DNAAF9: variants seen among roughly 807,000 people sequenced by gnomAD.
DNAAF9 encodes the protein shulin.
A neutral mutation model predicts 167.0 loss-of-function variants in DNAAF9; 90 were observed. The ratio of observed to expected loss-of-function variants is 0.54; its 90% CI spans 0.45 to 0.64. The LOEUF is 0.64. Among genes scored for constraint, DNAAF9 ranks in the 30% least tolerant of loss-of-function variants. The pLI is 0.00. For synonymous variants in DNAAF9, 491 were observed against 508.8 expected (o/e 0.96, Z 0.47); for missense variants, 1,315 against 1,442.2 (o/e 0.91, Z 1.43).
At chr20:3,263,801 A>G (rs1007776010) in intron 31 of DNAAF9, among the ~76,000 whole-genome samples, 2 of 152,234 alleles carry the variant, frequency 1.3e-5, no homozygotes, top group Non-Finnish European at 2.9e-5. Flanking sequence ...GAAAGACTGA[A>G]TTATAAATTT....
At chr20:3,288,824 C>T (rs900412093) in intron 26 of DNAAF9, among the ~76,000 whole-genome samples, 2 of 152,188 alleles carry the variant, frequency 1.3e-5, no homozygotes, top group African/African-American at 4.8e-5. Context: ...CATCTGAACT[C>T]AGGCAGTCTC....
intron 3 of DNAAF9, 109 bp from the exon 4 acceptor site, chr20:3,376,411 A>G (rs1481533457): frequency 4.6e-6 from 4 of 874,640 alleles, no homozygotes; most frequent in African/African-American, 1.7e-5. Flanking sequence ...AGACAATGTA[A>G]CAAAACTCTA....
chr20:3,304,593 T>A (rs1883396827), intron 20 of DNAAF9, 50 bp from the exon 21 acceptor site: 1 of 812,014 alleles, frequency 1.2e-6, no homozygotes, highest in South Asian at 1.4e-5. Flanking sequence ...GTGCTGGGGG[T>A]CAGATTCCAA....
At chr20:3,350,310 C>T (rs1286340937) in intron 7 of DNAAF9, among the ~76,000 whole-genome samples, 1 of 151,924 alleles carries the variant, frequency 6.6e-6, no homozygotes, top group Non-Finnish European at 1.5e-5. Context: ...GACACCCCAT[C>T]TCTACCAAAA....
chr20:3,365,691 C>T (rs2092990), intron 6 of DNAAF9, among the ~76,000 whole-genome samples: 30,881 of 152,088 alleles, frequency 0.2, 3,413 homozygotes, highest in African/African-American at 0.27. Flanking sequence ...CGTGCCTGGC[C>T]GTGATAGCAT....
At chr20:3,289,164 C>A (rs1466424546) in intron 26 of DNAAF9, among the ~76,000 whole-genome samples, 2 of 152,260 alleles carry the variant, frequency 1.3e-5, no homozygotes, top group Admixed American at 6.5e-5. Flanking sequence ...CTGGACAACA[C>A]AGCAAAACCC....
chr20:3,294,121 T>A lies in DNAAF9; in HGVS notation c.2238+18A>T. ...CATCTTCCTGTGAATTCCCAGCATA[T>A]CTGGTGAGCTCCTCTACCTTGTCAC... On this transcript the variant is annotated intron_variant, in intron 25 of 36. Coordinates refer to ENST00000252032, the MANE Select transcript of DNAAF9 (RefSeq NM_001009984.3). 1 of 1,314,406 alleles carries A rather than the reference T, an allele frequency of 7.6e-7. No individual in the cohort carries two copies. The allele number at this position is 1,314,406 out of a possible 1,614,324, so 81.4% of individuals were successfully genotyped here.
At chr20:3,339,945 T>C (rs1442685758) in intron 10 of DNAAF9, among the ~76,000 whole-genome samples, 2 of 152,220 alleles carry the variant, frequency 1.3e-5, no homozygotes, top group African/African-American at 4.8e-5. Flanking sequence ...GCTTTCCTGA[T>C]TGCCAGAGAC....
At chr20:3,393,319 C>T (rs2083852612) in intron 1 of DNAAF9, among the ~76,000 whole-genome samples, 1 of 151,960 alleles carries the variant, frequency 6.6e-6, no homozygotes, top group Non-Finnish European at 1.5e-5. Context: ...TCGAGACCAG[C>T]CTGGGCAACA....
At chr20:3,350,162 C>G (rs975228401) in intron 7 of DNAAF9, among the ~76,000 whole-genome samples, 2 of 150,272 alleles carry the variant, frequency 1.3e-5, no homozygotes, top group Non-Finnish European at 1.5e-5. Flanking sequence ...CACAGACACA[C>G]ACACACACAC....
intron 1 of DNAAF9, among the ~76,000 whole-genome samples, chr20:3,405,072 A>C (rs1352053902): frequency 1.6e-4 from 25 of 152,234 alleles, no homozygotes; most frequent in Admixed American, 1.6e-3. Context: ...CAGTATTCCC[A>C]CGCATTTCAC....
rs2068184275 is a variant in DNAAF9, at chr20:3,250,857, A to G, written c.*1715T>C. 1 of 152,248 alleles carries G rather than the reference A, an allele frequency of 6.6e-6. No individual in the cohort carries two copies. Among genetic ancestry groups the G allele is most frequent in the African/African-American group, 2.4e-5 (1 of 41,456 alleles). 9.4% of individuals were successfully genotyped at this position (152,248 alleles called of 1,614,324 possible). A position where few individuals can be genotyped will look rare whatever the true frequency, so the allele number is the denominator to read the frequency against. On this transcript the variant is annotated 3_prime_UTR_variant, in exon 37 of 37. Transcript: ENST00000252032. ...GCTGCTCAAGTTTGAGTTTTTAAAA[A>G]GAGTTCGGTAGAGCTAAAGGAAGCT...
rs114007068 is a variant in DNAAF9, at chr20:3,301,647, G to A, written c.1782+2793C>T. On this transcript the variant is annotated intron_variant, in intron 21 of 36. Coordinates refer to ENST00000252032, the MANE Select transcript of DNAAF9 (RefSeq NM_001009984.3). ...TTCTCCTCTGCCAACAGTTCCTCAG[G>A]ATTTATTCCTTAGTATAAATTAGTA... is the stretch of plus-strand genomic sequence containing the variant. 4.1e-3 allele frequency among the ~76,000 whole-genome samples: 619 copies of A among 152,180 alleles called. 8 individuals carry two copies. The highest frequency in any genetic ancestry group is 0.014 in the African/African-American group (591 of 41,502).
intron 14 of DNAAF9, among the ~76,000 whole-genome samples, chr20:3,323,466 A>G (rs1456855044): frequency 6.6e-6 from 1 of 151,780 alleles, no homozygotes; most frequent in African/African-American, 2.4e-5. Context: ...ATTTTTAATG[A>G]AGGCGGGGTT....
intron 10 of DNAAF9, among the ~76,000 whole-genome samples, chr20:3,339,271 T>C (rs921864811): frequency 5.9e-5 from 9 of 152,202 alleles, no homozygotes; most frequent in Non-Finnish European, 1.3e-4. Flanking sequence ...AAAATATGAG[T>C]CATATCTGAG....
intron 31 of DNAAF9, among the ~76,000 whole-genome samples, chr20:3,263,869 G>A (rs2068437924): frequency 6.6e-6 from 1 of 151,286 alleles, no homozygotes. Flanking sequence ...CTGCCATATA[G>A]AGAGTGGAGT....
At position 3,296,913 on chromosome 20, in the gene DNAAF9, T is replaced by C. The variant is rs2069090634; in HGVS notation, c.1966A>G (p.Ile656Val). The C allele has an allele frequency of 6.2e-7, 1 of 1,611,446 alleles. No individual in the cohort carries two copies. The highest frequency in any genetic ancestry group is 8.5e-7 in the Non-Finnish European group (1 of 1,177,766). Residue 656 changes from isoleucine (I) to valine (V), a missense_variant, in exon 23 of 37, where the codon ATC (isoleucine) becomes GTC (valine). By Grantham distance (29) the Ile-to-Val change is conservative. Coordinates refer to ENST00000252032, the MANE Select transcript of DNAAF9 (RefSeq NM_001009984.3). ...SLWKQQDNSG[I>V]SLKVIQEDGL... ...TCTTCCTGGATCACTTTTAAAGAGA[T>C]CCCTGAGTTATCCTGCTGTTTCCAG...
chr20:3,321,669 A>G (rs1031315280), intron 16 of DNAAF9, among the ~76,000 whole-genome samples: 4 of 152,146 alleles, frequency 2.6e-5, no homozygotes, highest in African/African-American at 9.7e-5. Context: ...CCTGGACTCA[A>G]GTGATCCTCC....
At chr20:3,288,288 TA>T (rs999001783) in intron 26 of DNAAF9, among the ~76,000 whole-genome samples, 1 of 152,104 alleles carries the variant, frequency 6.6e-6, no homozygotes, top group African/African-American at 2.4e-5. Context: ...CCATCTCTAC[TA>T]AAAATACAAA....
Sources: allele counts gnomAD v4.1 joint callset (sites outside exome capture counted in the v4.1 genomes callset), GRCh38; gene constraint gnomAD v4.1.1; transcripts MANE v1.5; gene names NCBI Gene and HGNC (gene_info 2026-07-23, HGNC 2026-07-21).